PLXNA4: variants seen among roughly 807,000 people sequenced by gnomAD.
The protein encoded by PLXNA4 is plexin-A4.
In PLXNA4, 44 loss-of-function variants were observed where a neutral mutation model predicts 191.8. The observed-to-expected ratio is 0.23, with a 90% CI of 0.18 to 0.29. The LOEUF is 0.29. Ranked by LOEUF, PLXNA4 falls within the 10% of genes least tolerant of loss-of-function variation. The pLI is 1.00. For synonymous variants in PLXNA4, 1,082 were observed against 1,009.5 expected, an observed-to-expected ratio of 1.07 and a Z score of -1.36; for missense variants, 1,800 against 2,488.8, an observed-to-expected ratio of 0.72 and a Z score of 5.89.
chr7:132,163,548 G>A (rs1052589194), intron 24 of PLXNA4, among the ~76,000 whole-genome samples: 10 of 152,254 alleles, frequency 6.6e-5, no homozygotes, highest in African/African-American at 2.4e-4. Flanking sequence ...CCATGCTCTT[G>A]AATGCTAAGC....
chr7:132,558,065 C>T (rs1424744270), intron 1 of PLXNA4, among the ~76,000 whole-genome samples: 1 of 152,100 alleles, frequency 6.6e-6, no homozygotes, highest in Non-Finnish European at 1.5e-5. Flanking sequence ...ACTGAAAATA[C>T]AAGCCAATAA....
intron 3 of PLXNA4, among the ~76,000 whole-genome samples, chr7:132,375,798 G>C (rs1490050714): frequency 6.6e-6 from 1 of 152,218 alleles, no homozygotes; most frequent in Non-Finnish European, 1.5e-5. Context: ...AGCAGGGTGG[G>C]AAACAGCATG....
intron 3 of PLXNA4, among the ~76,000 whole-genome samples, chr7:132,307,205 T>A (rs1801558050): frequency 6.6e-6 from 1 of 152,108 alleles, no homozygotes; most frequent in Non-Finnish European, 1.5e-5. Flanking sequence ...TAGAAGCACC[T>A]CACATCTTCC....
At chr7:132,562,605 CTCCTTCTCCTCCTCT>C (rs1801261474) in intron 1 of PLXNA4, among the ~76,000 whole-genome samples, 1 of 125,866 alleles carries the variant, frequency 7.9e-6, no homozygotes, top group African/African-American at 3.3e-5. Context: ...CCTCCTCCTC[CTCCTTCTCCTCCTCT>C]TCCTCCTCCT....
At chr7:132,521,823 G>T (rs1414526077) in intron 1 of PLXNA4, among the ~76,000 whole-genome samples, 1 of 152,054 alleles carries the variant, frequency 6.6e-6, no homozygotes, top group Non-Finnish European at 1.5e-5. Flanking sequence ...TCAACACCAG[G>T]TCCTAACTTG....
At chr7:132,451,876 C>T (rs1428057920) in intron 3 of PLXNA4, among the ~76,000 whole-genome samples, 1 of 152,200 alleles carries the variant, frequency 6.6e-6, no homozygotes, top group African/African-American at 2.4e-5. Context: ...CCCTCCTGGC[C>T]CTGACAGCCA....
rs1282683515 is a variant in PLXNA4 at position 132,489,403 on chromosome 7, A to T, written c.1260T>A (p.Arg420=). The T allele has an allele frequency of 1.2e-6, 2 of 1,605,988 alleles. No individual in the cohort carries two copies. Among genetic ancestry groups the T allele is most frequent in the Admixed American group, 3.3e-5 (2 of 59,916 alleles). ...TGTCCTCCGTGAAGACGGGAATTCC[A>T]CGCACCATGTCGGACACTCCCAGGG... ...NAPLGVSDMV[R]GIPVFTEDRD... The change falls in exon 3 of 32, where the codon CGT becomes CGA. Residue 420 remains arginine (R), a synonymous_variant. Transcript: ENST00000321063.
intron 3 of PLXNA4, among the ~76,000 whole-genome samples, chr7:132,443,131 G>C (rs903993924): frequency 6.6e-6 from 1 of 152,112 alleles, no homozygotes; most frequent in Non-Finnish European, 1.5e-5. Flanking sequence ...TGTCTTCAGG[G>C]GCCTAGCTCC....
intron 4 of PLXNA4, among the ~76,000 whole-genome samples, chr7:132,277,139 C>T (rs1800310855): frequency 6.6e-6 from 1 of 152,128 alleles, no homozygotes; most frequent in Non-Finnish European, 1.5e-5. Flanking sequence ...TGGACATTCT[C>T]CAGAAACACG....
intron 30 of PLXNA4, among the ~76,000 whole-genome samples, chr7:132,139,191 T>G (rs1157980474): frequency 2.0e-5 from 3 of 152,014 alleles, no homozygotes; most frequent in Admixed American, 6.6e-5. Flanking sequence ...CCTGCATCAG[T>G]AGGAAAGGAG....
intron 4 of PLXNA4, among the ~76,000 whole-genome samples, chr7:132,253,918 G>A (rs1799342870): frequency 6.6e-6 from 1 of 152,194 alleles, no homozygotes; most frequent in African/African-American, 2.4e-5. Flanking sequence ...CATCAGTTTA[G>A]TTTCCATGTG....
chr7:132,387,414 G>T (rs1332799460), intron 3 of PLXNA4, among the ~76,000 whole-genome samples: 1 of 152,252 alleles, frequency 6.6e-6, no homozygotes, highest in Non-Finnish European at 1.5e-5. Context: ...CAACGTTGAA[G>T]TGCCTTAACT....
At position 132,210,987 on chromosome 7, in the gene PLXNA4, C is replaced by A; in HGVS notation, c.2254G>T (p.Ala752Ser). 2 of 1,613,530 alleles carry A rather than the reference C, an allele frequency of 1.2e-6. No homozygotes were observed. The highest frequency in any genetic ancestry group is 1.7e-6 in the Non-Finnish European group (2 of 1,179,994). The change falls in exon 10 of 32, where the codon GCC becomes TCC. Residue 752 changes from alanine to serine, a missense_variant. Ala to Ser is a moderately conservative substitution (Grantham distance 99, BLOSUM62 1). Coordinates refer to ENST00000321063, the MANE Select transcript of PLXNA4 (RefSeq NM_020911.2). Reference protein sequence around the residue: ...NIQGSEQRVPALRFNSSSVQC... With the variant: ...NIQGSEQRVPSLRFNSSSVQC... The stretch of plus-strand genomic sequence containing the variant: ...ACGCTGGAGCTGTTGAAGCGCAGGG[C>A]GGGCACTCGCTGCTCGCTGCCCTGA...
In PLXNA4 at chr7:132,508,493, G is replaced by A. The variant is rs751042409; in HGVS notation, c.201C>T (p.Ala67=). Residue 67 remains alanine (A), a synonymous_variant, in exon 2 of 32, where the codon GCC becomes GCT. Coordinates refer to ENST00000321063, the MANE Select transcript of PLXNA4 (RefSeq NM_020911.2). This position sits in a 1 kb window ranked among gnomAD's most constrained non-coding sequence, Gnocchi z 4.4. ...TGGAGAGCTTGTAAATCCGATTGAC[G>A]GCCCCCAAGTAAATGTGTCCTGTCC... is the stretch of plus-strand genomic sequence containing the variant. The part of the protein sequence containing the change: ...DERTGHIYLG[A]VNRIYKLSSD... 95 of 1,613,974 alleles carry A rather than the reference G, an allele frequency of 5.9e-5. No individual in the cohort carries two copies. In the East Asian group the frequency reaches 8.9e-4, roughly 15 times the overall value.
rs983226071 is a variant in PLXNA4, at chr7:132,573,982, G to C, written c.-87+2440C>G. 2.6e-5 allele frequency among the ~76,000 whole-genome samples: 4 copies of C among 152,292 alleles called. No individual in the cohort carries two copies. The East Asian group carries it at 7.7e-4, about 29-fold the overall frequency. On this transcript the variant is annotated intron_variant, in intron 1 of 31. Transcript: ENST00000321063. ...GGCAGAGAGGGTGAATGACAGCGTG[G>C]CATGCTCCAGGGCTGGGCAAGAGAG...
At chr7:132,619,711 T>C (rs144310563) in intron 2 of PLXNA4, among the ~76,000 whole-genome samples, 117 of 152,392 alleles carry the variant, frequency 7.7e-4, no homozygotes, top group African/African-American at 2.6e-3. Flanking sequence ...TACTTGATTT[T>C]AGCTATTGAA....
intron 14 of PLXNA4, among the ~76,000 whole-genome samples, chr7:132,188,069 CT>C (rs1283506061): frequency 1.3e-5 from 2 of 152,208 alleles, no homozygotes; most frequent in East Asian, 3.9e-4. Flanking sequence ...TTCTCAACCC[CT>C]CTCTGACCTA....
chr7:132,230,653 T>A (rs1463757531), intron 5 of PLXNA4, among the ~76,000 whole-genome samples: 1 of 152,166 alleles, frequency 6.6e-6, no homozygotes, highest in Non-Finnish European at 1.5e-5. Flanking sequence ...CCTTCAGCCA[T>A]TAAGCTAATG....
chr7:132,447,041 C>G (rs1248829759), intron 3 of PLXNA4, among the ~76,000 whole-genome samples: 1 of 152,174 alleles, frequency 6.6e-6, no homozygotes, highest in Non-Finnish European at 1.5e-5. Flanking sequence ...CAAATGCTCT[C>G]ATTTCATCCT....
Sources: gnomAD v4.1 joint callset for allele counts (sites outside exome capture counted in the v4.1 genomes callset) on GRCh38, gnomAD v4.1.1 for gene constraint, Gnocchi (gnomAD v3.1) non-coding constraint, MANE v1.5 for transcripts, NCBI Gene and HGNC (gene_info 2026-07-23, HGNC 2026-07-21) for gene names.